The following PRDM16 variants were observed in gnomAD, a reference collection of about 807,000 sequenced individuals.
PRDM16 encodes the protein PR/SET domain 16.
PRDM16 carries 23 observed loss-of-function variants against 110.6 expected under a neutral mutation model. The observed-to-expected ratio is 0.21, with a 90% CI of 0.15 to 0.29. PRDM16 has a LOEUF of 0.29. PRDM16 is among the 10% of genes least tolerant of loss of function. The pLI is 1.00. For missense variants in PRDM16, 1,615 were observed against 1,794.3 expected, an observed-to-expected ratio of 0.90 and a Z score of 1.81; for synonymous variants, 799 against 781.8, an observed-to-expected ratio of 1.02 and a Z score of -0.37.
At chr1:3,270,463 G>A (rs924295303) in intron 3 of PRDM16, among the ~76,000 whole-genome samples, 4 of 149,502 alleles carry the variant, frequency 2.7e-5, no homozygotes, top group African/African-American at 4.9e-5. Context: ...GAGGACAGTC[G>A]GCGAGGAGGA....
intron 3 of PRDM16, among the ~76,000 whole-genome samples, chr1:3,383,258 G>C (rs1420244900): frequency 6.6e-6 from 1 of 152,206 alleles, no homozygotes; most frequent in Non-Finnish European, 1.5e-5. Context: ...CCAGGGGCAG[G>C]CACGGCTGTG....
rs1188520218 is a variant in PRDM16 at position 3,353,208 on chromosome 1, A to C, written c.439-31944A>C. Among the ~76,000 whole-genome samples, 5 of 152,138 alleles carry C rather than the reference A, an allele frequency of 3.3e-5. No homozygotes were observed. The highest frequency in any genetic ancestry group is 5.9e-5 in the Non-Finnish European group (4 of 68,020). ...CAATGCCCTCCTGTAGTAAAAGTTA[A>C]CCGGGTGTGAAATGCATGTTGCCTG... On this transcript the variant is annotated intron_variant, in intron 3 of 16. Transcript: ENST00000270722. This position sits in a 1 kb window ranked among gnomAD's most constrained non-coding sequence, Gnocchi z 5.4.
In PRDM16 at chr1:3,427,635, T is replaced by C. The variant is rs144213785; in HGVS notation, c.3284+1410T>C. Among the ~76,000 whole-genome samples, 432 of 152,270 alleles carry C rather than the reference T, an allele frequency of 2.8e-3. 1 individual carries two copies. The highest frequency in any genetic ancestry group is 0.014 in the Middle Eastern group (4 of 294). On this transcript the variant is annotated intron_variant, in intron 14 of 16. Transcript: ENST00000270722. Reference sequence around the variant, plus strand: ...ATAAACACAGGAGGCAGTTGGACACTGGCTCTGGCAAAGCCACGTTCCAAA... The same window carrying C: ...ATAAACACAGGAGGCAGTTGGACACCGGCTCTGGCAAAGCCACGTTCCAAA...
intron 1 of PRDM16, among the ~76,000 whole-genome samples, chr1:3,106,336 G>A (rs1404449738): frequency 2.6e-5 from 4 of 152,222 alleles, no homozygotes; most frequent in African/African-American, 9.6e-5. Flanking sequence ...TGGGCAGAGG[G>A]GCCGGGGCAC....
At position 3,265,420 on chromosome 1, in the gene PRDM16, G is replaced by A. The variant is rs1425166226; in HGVS notation, c.438+21283G>A. On this transcript the variant is annotated intron_variant, in intron 3 of 16. Coordinates refer to ENST00000270722, the MANE Select transcript of PRDM16 (RefSeq NM_022114.4). This position sits in a 1 kb window ranked among gnomAD's most constrained non-coding sequence, Gnocchi z 4.5. ...TGATGATGTGAAGGGCCTAGTAGGG[G>A]CTGAGGTCCTGTCCCAGTAGGGGGT... 6.6e-6 allele frequency among the ~76,000 whole-genome samples: 1 copy of A among 152,004 alleles called. No homozygotes were observed. Among genetic ancestry groups the A allele is most frequent in the Admixed American group, 6.6e-5 (1 of 15,262 alleles).
chr1:3,227,503 C>T (rs116831730), intron 2 of PRDM16, among the ~76,000 whole-genome samples: 1,780 of 152,348 alleles, frequency 0.012, 20 homozygotes, highest in Non-Finnish European at 0.015. Context: ...ACTGGAGGTG[C>T]GTAAGGCCGG....
At chr1:3,293,528 C>T (rs1192231108) in intron 3 of PRDM16, among the ~76,000 whole-genome samples, 1 of 152,250 alleles carries the variant, frequency 6.6e-6, no homozygotes, top group African/African-American at 2.4e-5. Context: ...AGGCAGTGAA[C>T]TCCGCGCTGC....
chr1:3,373,209 A>G (rs182091886), intron 3 of PRDM16, among the ~76,000 whole-genome samples: 1 of 152,280 alleles, frequency 6.6e-6, no homozygotes, highest in East Asian at 1.9e-4. Flanking sequence ...TCCACGGGAC[A>G]GTCTCAGTCC....
chr1:3,292,249 C>T (rs541425623), intron 3 of PRDM16, among the ~76,000 whole-genome samples: 54 of 152,330 alleles, frequency 3.5e-4, no homozygotes, highest in African/African-American at 1.3e-3. Context: ...AGTCCTGTTA[C>T]TCAACACTTG....
chr1:3,114,602 GCA>G (rs1266903342), intron 1 of PRDM16, among the ~76,000 whole-genome samples: 1 of 151,224 alleles, frequency 6.6e-6, no homozygotes, highest in Non-Finnish European at 1.5e-5. Context: ...ACGTGCACAT[GCA>G]CACACGTGCA....
chr1:3,098,895 G>T (rs1642469026), intron 1 of PRDM16, among the ~76,000 whole-genome samples: 1 of 152,204 alleles, frequency 6.6e-6, no homozygotes, highest in African/African-American at 2.4e-5. Flanking sequence ...CCATGGTGCT[G>T]CCTCCACCTC....
intron 1 of PRDM16, among the ~76,000 whole-genome samples, chr1:3,176,762 CTCCA>C (rs774134734): frequency 6.9e-6 from 1 of 144,618 alleles, no homozygotes; most frequent in Admixed American, 6.9e-5. Context: ...CCATCCATCC[CTCCA>C]TCCATCCATC....
intron 1 of PRDM16, among the ~76,000 whole-genome samples, chr1:3,146,674 G>GGT (rs1643665443): frequency 6.8e-6 from 1 of 146,284 alleles, no homozygotes; most frequent in Non-Finnish European, 1.5e-5. Context: ...CTCAGTGTGG[G>GGT]GTGTGTGTGC....
intron 1 of PRDM16, among the ~76,000 whole-genome samples, chr1:3,142,542 C>T (rs374213608): frequency 1.3e-5 from 2 of 152,158 alleles, no homozygotes; most frequent in African/African-American, 2.4e-5. Flanking sequence ...TCCTCACCTG[C>T]GGCGTCATCC....
chr1:3,433,930 A>G lies in PRDM16; in HGVS notation c.*119A>G. The G allele has an allele frequency of 1.0e-6, 1 of 1,001,070 alleles. No individual in the cohort carries two copies. The highest frequency in any genetic ancestry group is 1.4e-6 in the Non-Finnish European group (1 of 691,778). The allele number at this position is 1,001,070 out of a possible 1,614,324, so 62.0% of individuals were successfully genotyped here. Reference sequence around the variant, plus strand: ...GTGGCCACTCCTCAGCATCCTCCCCACCCACCATGGTTCATTCCGACTTTT... The same window carrying G: ...GTGGCCACTCCTCAGCATCCTCCCCGCCCACCATGGTTCATTCCGACTTTT... On this transcript the variant is annotated 3_prime_UTR_variant, in exon 17 of 17. Transcript: ENST00000270722.
At chr1:3,348,178 C>T (rs1245676409) in intron 3 of PRDM16, among the ~76,000 whole-genome samples, 1 of 152,164 alleles carries the variant, frequency 6.6e-6, no homozygotes, top group Non-Finnish European at 1.5e-5. Flanking sequence ...CTGGCCCAAC[C>T]GTAGCCCTCT....
chr1:3,269,356 G>A (rs1329402879), intron 3 of PRDM16, among the ~76,000 whole-genome samples: 1 of 150,580 alleles, frequency 6.6e-6, no homozygotes, highest in Non-Finnish European at 1.5e-5. Context: ...GTCAGGAGGA[G>A]CAGTCAGGAG....
intron 3 of PRDM16, among the ~76,000 whole-genome samples, chr1:3,357,505 C>G (rs1350156125): frequency 7.0e-6 from 1 of 142,600 alleles, no homozygotes; most frequent in Non-Finnish European, 1.5e-5. Context: ...AGGGTCAGAG[C>G]TTTCCAGAGC....
At chr1:3,192,603 T>G (rs941765413) in intron 2 of PRDM16, among the ~76,000 whole-genome samples, 2 of 152,084 alleles carry the variant, frequency 1.3e-5, no homozygotes, top group Admixed American at 6.5e-5. Flanking sequence ...GAGCTGGACT[T>G]AGACCCCTCC....
Sources: gnomAD v4.1 joint callset for allele counts (sites outside exome capture counted in the v4.1 genomes callset) on GRCh38, gnomAD v4.1.1 for gene constraint, Gnocchi (gnomAD v3.1) non-coding constraint, MANE v1.5 for transcripts, NCBI Gene and HGNC (gene_info 2026-07-23, HGNC 2026-07-21) for gene names.